Variants in LRP2 observed in about 807,000 individuals in gnomAD.
LRP2 encodes low-density lipoprotein receptor-related protein 2.
Under a neutral mutation model 531.0 loss-of-function variants are expected in LRP2, and 172 were observed. The ratio of observed to expected loss-of-function variants is 0.32; its 90% CI spans 0.29 to 0.37. The LOEUF (loss-of-function observed/expected upper bound fraction) is 0.37. Among genes scored for constraint, LRP2 ranks in the 10% least tolerant of loss-of-function variants. The probability of loss-of-function intolerance (pLI) is 1.00; values close to 1 mark genes in which losing one functional copy is unlikely to be tolerated. For missense variants in LRP2, 5,167 were observed against 5,868.3 expected (o/e 0.88, Z 3.90); for synonymous variants, 1,992 against 2,027.6 (o/e 0.98, Z 0.47).
chr2:169,153,410 G>C (rs2105357412), intron 66 of LRP2, among the ~76,000 whole-genome samples: 1 of 152,298 alleles, frequency 6.6e-6, no homozygotes, highest in South Asian at 2.1e-4. Flanking sequence ...TGGACAGCAG[G>C]CATGTTAAAA....
At chr2:169,346,223 C>T (rs1685693944) in intron 1 of LRP2, among the ~76,000 whole-genome samples, 2 of 152,216 alleles carry the variant, frequency 1.3e-5, no homozygotes, top group African/African-American at 4.8e-5. Flanking sequence ...GTGCCATGTT[C>T]TCTCGTCTGC....
In LRP2 at chr2:169,191,849, A is replaced by G. The variant is rs754042468; in HGVS notation, c.9015T>C (p.Cys3005=). ...CAATTCACCTGAATATCTTTGGGAT[A>G]CACAGTCCGTAACCACAGGTGAATT... ...ENEFTCGYGL[C]IPKIFRCDRH... The change falls in exon 48 of 79, where the codon TGT becomes TGC. Residue 3005 remains cysteine (C), a synonymous_variant. Transcript: ENST00000649046. 4 of 1,614,060 alleles carry G rather than the reference A, an allele frequency of 2.5e-6. No individual in the cohort carries two copies. The Admixed American group carries it at 6.7e-5, about 27-fold the overall frequency.
chr2:169,343,444 C>G (rs1685617928), intron 1 of LRP2, among the ~76,000 whole-genome samples: 1 of 152,208 alleles, frequency 6.6e-6, no homozygotes, highest in African/African-American at 2.4e-5. Flanking sequence ...GCTGCATGAC[C>G]TAACCAAGAG....
rs1330620613 is a variant in LRP2 at position 169,166,021 on chromosome 2, C to T, written c.11669G>A (p.Arg3890Gln). Residue 3890 changes from arginine (R) to glutamine (Q), a missense_variant, in exon 62 of 79, where the codon CGG (arginine) becomes CAG (glutamine). Physicochemically the swap from Arg to Gln is conservative, Grantham distance 43 (BLOSUM62 1). Around this residue, in one of 6 missense-constraint regions of LRP2, gnomAD observed 564 missense variants for 747.7 expected, o/e 0.75. Transcript: ENST00000649046. ...DVPCNSPNRF[R>Q]CDNNRCIYSH... Reference sequence around the variant, plus strand: ...ATAAATGCAGCGATTGTTGTCACACCGGAAACGGTTTGGTGAATTACAGGG... The same window carrying T: ...ATAAATGCAGCGATTGTTGTCACACTGGAAACGGTTTGGTGAATTACAGGG... 18 of 1,613,852 alleles carry T rather than the reference C, an allele frequency of 1.1e-5. No homozygotes were observed. Among genetic ancestry groups the T allele is most frequent in the African/African-American group, 2.7e-5 (2 of 74,882 alleles).
rs4001548 is a variant in LRP2, at chr2:169,168,018, AATATATATATATATATAT to A, written c.11635+503_11635+520del. 2.3e-4 allele frequency among the ~76,000 whole-genome samples: 16 copies of A among 68,184 alleles called. 1 individual carries two copies. The highest frequency in any genetic ancestry group is 4.1e-4 in the Non-Finnish European group (14 of 34,044). 44.7% of individuals were successfully genotyped at this position (68,184 alleles called of 152,430 possible). A position where few individuals can be genotyped will look rare whatever the true frequency, so the allele number is the denominator to read the frequency against. Reference sequence around the variant, plus strand: ...AGACTCACAAACAAGCAGGGTTTAAAATATATATATATATATATATATATATATGCATCATTCAGCAAG... The same window carrying A: ...AGACTCACAAACAAGCAGGGTTTAAAATATATATATGCATCATTCAGCAAG... On this transcript the variant is annotated intron_variant, in intron 61 of 78. Transcript: ENST00000649046.
At chr2:169,299,140 AAAGAAAGAAAGAAAG>A (rs1684218408) in intron 4 of LRP2, among the ~76,000 whole-genome samples, 2 of 25,322 alleles carry the variant, frequency 7.9e-5, no homozygotes, top group African/African-American at 1.8e-4. Context: ...AGAAAGAAAG[AAAGAAAGAAAGAAAG>A]AAAAAAAGAA....
At chr2:169,228,927 G>A (rs1176025930) in intron 31 of LRP2, among the ~76,000 whole-genome samples, 6 of 152,136 alleles carry the variant, frequency 3.9e-5, no homozygotes, top group East Asian at 1.9e-4. Context: ...ACATTTCTAC[G>A]GAGCAAACGG....
At chr2:169,139,726 A>T (rs1412740304) in intron 72 of LRP2, 116 bp from the exon 73 acceptor site, 1 of 875,640 alleles carries the variant, frequency 1.1e-6, no homozygotes, top group Non-Finnish European at 1.9e-6. Context: ...CATGTTGAAC[A>T]GACAATGTAT....
chr2:169,246,353 T>A (rs1214160362), intron 21 of LRP2, among the ~76,000 whole-genome samples: 4 of 152,188 alleles, frequency 2.6e-5, no homozygotes, highest in African/African-American at 7.2e-5. Context: ...GCAATCCTCC[T>A]GTCTCGGCCT....
intron 31 of LRP2, among the ~76,000 whole-genome samples, chr2:169,227,891 T>C (rs1330651457): frequency 1.3e-5 from 2 of 152,138 alleles, no homozygotes; most frequent in Non-Finnish European, 2.9e-5. Flanking sequence ...CTGGAGCAAA[T>C]GAGATTTGCA....
At chr2:169,326,629 G>A (rs1333437558) in intron 1 of LRP2, among the ~76,000 whole-genome samples, 1 of 152,072 alleles carries the variant, frequency 6.6e-6, no homozygotes, top group Non-Finnish European at 1.5e-5. Flanking sequence ...GCCTCTGCCC[G>A]GCCACCACCC....
chr2:169,147,638 T>C (rs766608618), intron 68 of LRP2, among the ~76,000 whole-genome samples: 1 of 152,172 alleles, frequency 6.6e-6, no homozygotes, highest in Non-Finnish European at 1.5e-5. Context: ...ATATGTCTTT[T>C]GCATCCAATT....
rs191139087 is a variant in LRP2 at position 169,292,464 on chromosome 2, T to A, written c.653-95A>T. The A allele has an allele frequency of 9.2e-5, 77 of 839,004 alleles. No homozygotes were observed. The African/African-American group carries it at 1.2e-3, about 13-fold the overall frequency. 52.0% of individuals were successfully genotyped at this position (839,004 alleles called of 1,614,324 possible). ...ACTGCCTAAGCAGTACTCCTAGAAATTGAAATTTCTATATCAATTTAATCC... is the reference window on the plus strand; with the variant it reads ...ACTGCCTAAGCAGTACTCCTAGAAAATGAAATTTCTATATCAATTTAATCC... On this transcript the variant is annotated intron_variant, in intron 6 of 78. Transcript: ENST00000649046.
intron 1 of LRP2, among the ~76,000 whole-genome samples, chr2:169,331,708 T>C (rs1685275105): frequency 6.6e-6 from 1 of 152,164 alleles, no homozygotes; most frequent in Admixed American, 6.5e-5. Context: ...ACCCAATGAA[T>C]CAAACTACTT....
intron 1 of LRP2, among the ~76,000 whole-genome samples, chr2:169,343,423 G>A (rs1685617320): frequency 6.6e-6 from 1 of 152,192 alleles, no homozygotes; most frequent in African/African-American, 2.4e-5. Flanking sequence ...TCACAGCATG[G>A]TGGCTGCTTT....
At position 169,166,024 on chromosome 2, in the gene LRP2, A is replaced by T; in HGVS notation, c.11666T>A (p.Phe3889Tyr). ...AATGCAGCGATTGTTGTCACACCGG[A>T]AACGGTTTGGTGAATTACAGGGAAC... is the stretch of plus-strand genomic sequence containing the variant. ...LDVPCNSPNR[F>Y]RCDNNRCIYS... Residue 3889 changes from phenylalanine (F) to tyrosine (Y), a missense_variant, in exon 62 of 79, where the codon TTC becomes TAC. This residue lies in a region of LRP2 where 564 missense variants were observed against 747.7 expected (regional missense o/e 0.75). Coordinates refer to ENST00000649046, the MANE Select transcript of LRP2 (RefSeq NM_004525.3). The T allele has an allele frequency of 6.2e-7, 1 of 1,614,114 alleles. No homozygotes were observed. The highest frequency in any genetic ancestry group is 8.5e-7 in the Non-Finnish European group (1 of 1,179,950).
At chr2:169,178,168 TAATTA>T in intron 52 of LRP2, 142 bp from the exon 53 acceptor site, 1 of 677,648 alleles carries the variant, frequency 1.5e-6, no homozygotes, top group Non-Finnish European at 2.6e-6. Flanking sequence ...TCCTAGTCTT[TAATTA>T]AAACAAAAAT....
At position 169,201,655 on chromosome 2, in the gene LRP2, T is replaced by G. The variant is rs768363457; in HGVS notation, c.8425A>C (p.Asn2809His). ...ICNGVDNCHD[N>H]NTSDEKNCPD... is the part of the protein sequence containing the mutation. ...CAATTTTTCTCATCTGAAGTGTTAT[T>G]ATCATGGCAGTTGTCTACACCATTG... Residue 2809 changes from asparagine to histidine, a missense_variant, in exon 44 of 79, where the codon AAT becomes CAT. Asn to His is a moderately conservative substitution (Grantham distance 68, BLOSUM62 1). This residue lies in a region of LRP2 where 1,129 missense variants were observed against 1,362.7 expected (regional missense o/e 0.83). Coordinates refer to ENST00000649046, the MANE Select transcript of LRP2 (RefSeq NM_004525.3). 6.2e-7 allele frequency: 1 copy of G among 1,614,216 alleles called. No individual in the cohort carries two copies. The highest frequency in any genetic ancestry group is 8.5e-7 in the Non-Finnish European group (1 of 1,180,028).
At chr2:169,356,955 G>A (rs565857971) in intron 1 of LRP2, among the ~76,000 whole-genome samples, 2 of 152,206 alleles carry the variant, frequency 1.3e-5, no homozygotes, top group South Asian at 4.1e-4. Context: ...TAATGTTTCT[G>A]TAGTATTGAT....
Sources: gnomAD v4.1 joint callset for allele counts (sites outside exome capture counted in the v4.1 genomes callset) on GRCh38, gnomAD v4.1.1 for gene constraint, gnomAD v4.1.1 regional missense constraint, MANE v1.5 for transcripts, NCBI Gene and HGNC (gene_info 2026-07-23, HGNC 2026-07-21) for gene names.